Variants in CLPB observed in about 807,000 individuals in gnomAD.
The protein encoded by CLPB is mitochondrial disaggregase.
Under a neutral mutation model 78.4 loss-of-function variants are expected in CLPB, and 40 were observed. The ratio of observed to expected loss-of-function variants is 0.51; its 90% CI spans 0.40 to 0.66. CLPB has a LOEUF of 0.66. CLPB is among the 30% of genes least tolerant of loss of function. CLPB has a pLI of 0.00. For missense variants in CLPB, 780 were observed against 886.9 expected, an observed-to-expected ratio of 0.88 and a Z score of 1.53; for synonymous variants, 333 against 348.0, an observed-to-expected ratio of 0.96 and a Z score of 0.48.
At chr11:72,408,190 T>G (rs1855766274) in intron 2 of CLPB, 1 of 1,535,332 alleles carries the variant, frequency 6.5e-7, no homozygotes. Context: ...CATCATTCTT[T>G]GCAGTCTCTT....
At chr11:72,414,604 C>CTAGGG (rs1855967461) in intron 2 of CLPB, among the ~76,000 whole-genome samples, 1 of 152,218 alleles carries the variant, frequency 6.6e-6, no homozygotes, top group Admixed American at 6.5e-5. Flanking sequence ...CATCTCCAAG[C>CTAGGG]TAGCCTCTGT....
chr11:72,330,619 C>G (rs962225218), intron 5 of CLPB, among the ~76,000 whole-genome samples: 1 of 152,236 alleles, frequency 6.6e-6, no homozygotes, highest in African/African-American at 2.4e-5. Context: ...GCACCTCACT[C>G]TCTTCTTCGA....
intron 5 of CLPB, among the ~76,000 whole-genome samples, chr11:72,343,598 G>A (rs1484766279): frequency 2.0e-5 from 3 of 152,216 alleles, no homozygotes; most frequent in South Asian, 2.1e-4. Context: ...AAGTGGAAAG[G>A]TGGTGGGAGG....
chr11:72,333,721 G>A (rs1333984548), intron 5 of CLPB, among the ~76,000 whole-genome samples: 1 of 152,172 alleles, frequency 6.6e-6, no homozygotes, highest in Non-Finnish European at 1.5e-5. Context: ...GGAACAAAGT[G>A]CTCAGGGACT....
chr11:72,393,074 C>T (rs550612684), intron 3 of CLPB, among the ~76,000 whole-genome samples: 1 of 152,142 alleles, frequency 6.6e-6, no homozygotes. Context: ...GGGCAAGGCT[C>T]GAGGAAGGCA....
Position 72,291,000 on chromosome 11 carries a change from C to T in CLPB, c.*2367G>A, listed in dbSNP as rs949660260. The T allele has an allele frequency of 2.0e-5, 3 of 151,100 alleles. No individual in the cohort carries two copies. The highest frequency in any genetic ancestry group is 4.4e-5 in the Non-Finnish European group (3 of 67,854). 9.4% of individuals were successfully genotyped at this position (151,100 alleles called of 1,614,324 possible). A position where few individuals can be genotyped will look rare whatever the true frequency, so the allele number is the denominator to read the frequency against. On this transcript the variant is annotated 3_prime_UTR_variant, in exon 16 of 16. Transcript: ENST00000538039. ...TACCACCACCCTCCGCTAGGAGGCA[C>T]TAAGAATAGCACAGTATCACTTCTG...
chr11:72,348,845 T>G (rs1052789918), intron 5 of CLPB, among the ~76,000 whole-genome samples: 1 of 152,218 alleles, frequency 6.6e-6, no homozygotes, highest in Non-Finnish European at 1.5e-5. Context: ...TAGGCACCTA[T>G]CATATGCTAA....
intron 5 of CLPB, chr11:72,354,560 G>A (rs1950672836): frequency 5.3e-6 from 2 of 375,204 alleles, no homozygotes; most frequent in Admixed American, 4.5e-5. Flanking sequence ...CACCTTCCCT[G>A]ATCACTCCTC....
At chr11:72,393,414 C>A (rs1855312061) in intron 3 of CLPB, among the ~76,000 whole-genome samples, 1 of 152,206 alleles carries the variant, frequency 6.6e-6, no homozygotes, top group Non-Finnish European at 1.5e-5. Context: ...TTATTCACTA[C>A]ACTAAGTAGT....
intron 5 of CLPB, among the ~76,000 whole-genome samples, chr11:72,346,513 G>C (rs1950516532): frequency 1.3e-5 from 2 of 151,392 alleles, no homozygotes; most frequent in South Asian, 4.2e-4. Flanking sequence ...GCTGATTTCA[G>C]GGCAACAGCA....
At chr11:72,408,750 T>C (rs191961823) in intron 2 of CLPB, among the ~76,000 whole-genome samples, 2,160 of 147,876 alleles carry the variant, frequency 0.015, 178 homozygotes, top group Admixed American at 0.13. Context: ...GGTAGGCCCC[T>C]CCCCTGCCTC....
At position 72,295,508 on chromosome 11, in the gene CLPB, A is replaced by G; in HGVS notation, c.1470T>C (p.Arg490=). The G allele has an allele frequency of 6.2e-7, 1 of 1,614,066 alleles. No homozygotes were observed. Among genetic ancestry groups the G allele is most frequent in the Non-Finnish European group, 8.5e-7 (1 of 1,179,970 alleles). The change falls in exon 12 of 16, where the codon CGT becomes CGC. Residue 490 remains arginine, a synonymous_variant. Transcript: ENST00000538039. ...CCGCCATACCCAGGTTTTCGGCAAT[A>G]CGGTTACGGCTCATCTCCAAAGCTT... ...RQEALEMSRN[R]IAENLGDVQI...
chr11:72,394,795 C>T (rs541381155), intron 3 of CLPB, among the ~76,000 whole-genome samples: 46 of 152,310 alleles, frequency 3.0e-4, no homozygotes, highest in Non-Finnish European at 5.1e-4. Context: ...CACGGTGCTG[C>T]GGTGCTGGCA....
chr11:72,297,817 A>G (rs1204247914), intron 11 of CLPB, among the ~76,000 whole-genome samples: 2 of 152,188 alleles, frequency 1.3e-5, no homozygotes, highest in East Asian at 3.9e-4. Flanking sequence ...ATAACCTAGC[A>G]GCAATTTCAT....
rs547269396 is a variant in CLPB at position 72,397,537 on chromosome 11, T to G, written c.542+5429A>C. Among the ~76,000 whole-genome samples, 60 of 152,352 alleles carry G rather than the reference T, an allele frequency of 3.9e-4. 1 individual carries two copies. The South Asian group carries it at 0.012, about 32-fold the overall frequency. On this transcript the variant is annotated intron_variant, in intron 3 of 15. Transcript: ENST00000538039. ...CTGTATCCTTGTCAGCCCTTAGTAT[T>G]GTCAGTTTTCCTAAATTTTAGCTAC...
chr11:72,421,113 AG>A (rs1460830421), intron 2 of CLPB, among the ~76,000 whole-genome samples: 1 of 152,196 alleles, frequency 6.6e-6, no homozygotes, highest in Non-Finnish European at 1.5e-5. Context: ...GCTTTTTTGC[AG>A]GGTACATGAA....
intron 9 of CLPB, among the ~76,000 whole-genome samples, chr11:72,306,318 G>A (rs1949745470): frequency 6.6e-6 from 1 of 152,180 alleles, no homozygotes; most frequent in African/African-American, 2.4e-5. Context: ...GTGCTGCTGG[G>A]GCCACTTGGC....
chr11:72,433,703 T>C (rs1431740145), intron 1 of CLPB, among the ~76,000 whole-genome samples: 1 of 152,040 alleles, frequency 6.6e-6, no homozygotes, highest in Non-Finnish European at 1.5e-5. Flanking sequence ...ATCTGGCGGT[T>C]GCCCTTAAAA....
intron 5 of CLPB, among the ~76,000 whole-genome samples, chr11:72,347,001 A>G (rs1950528539): frequency 6.6e-6 from 1 of 150,874 alleles, no homozygotes; most frequent in African/African-American, 2.4e-5. Flanking sequence ...AAAAAAAAAA[A>G]AAAAAAAAAG....
Sources: allele counts gnomAD v4.1 joint callset (sites outside exome capture counted in the v4.1 genomes callset), GRCh38; gene constraint gnomAD v4.1.1; transcripts MANE v1.5; gene names NCBI Gene and HGNC (gene_info 2026-07-23, HGNC 2026-07-21).